The following CCSER2 variants were observed in gnomAD, a reference collection of about 807,000 sequenced individuals.
CCSER2 encodes the protein serine-rich coiled-coil domain-containing protein 2.
A neutral mutation model predicts 92.3 loss-of-function variants in CCSER2; 46 were observed. The observed-to-expected ratio is 0.50, with a 90% confidence interval of 0.39 to 0.64. The LOEUF (loss-of-function observed/expected upper bound fraction) is 0.64, where lower values mean the gene tolerates loss of function less well. Ranked by LOEUF, CCSER2 falls within the 30% of genes least tolerant of loss-of-function variation. CCSER2 has a pLI of 0.00. For synonymous variants in CCSER2, 433 were observed against 431.4 expected (o/e 1.00, Z -0.04); for missense variants, 1,244 against 1,238.9 (o/e 1.00, Z -0.06).
chr10:84,343,631 G>T (rs1269123294), intron 1 of CCSER2, among the ~76,000 whole-genome samples: 2 of 152,122 alleles, frequency 1.3e-5, no homozygotes, highest in African/African-American at 4.8e-5. Flanking sequence ...AGATGATGTT[G>T]TTATGAAGTA....
chr10:84,335,521 G>A (rs912118281), intron 1 of CCSER2, among the ~76,000 whole-genome samples: 5 of 152,066 alleles, frequency 3.3e-5, no homozygotes, highest in Non-Finnish European at 1.5e-5. Context: ...TGGGATTACA[G>A]GTGTGAGCCA....
chr10:84,473,419 T>G (rs1253434196), intron 8 of CCSER2, among the ~76,000 whole-genome samples: 1 of 152,216 alleles, frequency 6.6e-6, no homozygotes, highest in East Asian at 1.9e-4. Flanking sequence ...TTAGTGTGGT[T>G]TTCTCAACAT....
At chr10:84,500,400 A>G (rs1848662884) in intron 9 of CCSER2, among the ~76,000 whole-genome samples, 1 of 152,220 alleles carries the variant, frequency 6.6e-6, no homozygotes, top group Non-Finnish European at 1.5e-5. Flanking sequence ...TTTAAATAAT[A>G]TTTCCTAATT....
intron 1 of CCSER2, among the ~76,000 whole-genome samples, chr10:84,357,870 G>T (rs958549055): frequency 6.6e-6 from 1 of 152,240 alleles, no homozygotes; most frequent in African/African-American, 2.4e-5. Context: ...GCACATAATG[G>T]ATGTTCAGTA....
intron 3 of CCSER2, chr10:84,391,756 A>G (rs908886995): frequency 4.6e-6 from 7 of 1,530,520 alleles, no homozygotes; most frequent in Non-Finnish European, 6.3e-6. Context: ...AGCAGTATGA[A>G]GACCCTGGTG....
chr10:84,354,131 C>T (rs1333112967), intron 1 of CCSER2, among the ~76,000 whole-genome samples: 2 of 151,830 alleles, frequency 1.3e-5, no homozygotes, highest in Non-Finnish European at 2.9e-5. Flanking sequence ...CCCAGGAGGT[C>T]GAGGCTGCGG....
At chr10:84,390,693 A>G (rs1312005020) in intron 3 of CCSER2, among the ~76,000 whole-genome samples, 1 of 152,192 alleles carries the variant, frequency 6.6e-6, no homozygotes, top group Non-Finnish European at 1.5e-5. Flanking sequence ...TTATTTGATT[A>G]ACTTCCATCT....
chr10:84,493,044 C>A (rs998292781), intron 9 of CCSER2, among the ~76,000 whole-genome samples: 1 of 152,014 alleles, frequency 6.6e-6, no homozygotes, highest in East Asian at 1.9e-4. Flanking sequence ...ATGTTTAATT[C>A]TTCTTTAAAC....
At chr10:84,483,955 A>T (rs11593436) in intron 9 of CCSER2, among the ~76,000 whole-genome samples, 1,140 of 4,498 alleles carry the variant, frequency 0.25, 86 homozygotes, top group East Asian at 0.4. Context: ...CGGCTAATTT[A>T]TATATATATA....
rs1842957517 is a variant in CCSER2 at position 84,417,874 on chromosome 10, A to G, written c.1705+13A>G. On this transcript the variant is annotated intron_variant, in intron 4 of 9. Transcript: ENST00000372088. ...CCTCTTGAAAATGGTAAGTTGAGAC[A>G]ATATTGAACCTTCAGAGGTATATAC... is the stretch of plus-strand genomic sequence containing the variant. 4 of 1,372,670 alleles carry G rather than the reference A, an allele frequency of 2.9e-6. No homozygotes were observed. The highest frequency in any genetic ancestry group is 4.2e-6 in the Non-Finnish European group (4 of 959,976). The allele number at this position is 1,372,670 out of a possible 1,614,324, so 85.0% of individuals were successfully genotyped here. A position where few individuals can be genotyped will look rare whatever the true frequency, so the allele number is the denominator to read the frequency against.
At chr10:84,347,642 A>G (rs968011300) in intron 1 of CCSER2, among the ~76,000 whole-genome samples, 2 of 144,572 alleles carry the variant, frequency 1.4e-5, no homozygotes, top group African/African-American at 2.6e-5. Flanking sequence ...CTGGGCGGAG[A>G]CGCTCCTGAC....
chr10:84,387,404 C>T (rs1428077137), intron 3 of CCSER2, among the ~76,000 whole-genome samples: 2 of 152,166 alleles, frequency 1.3e-5, no homozygotes, highest in East Asian at 3.8e-4. Context: ...ATGGCTCTTT[C>T]CCGTTAGAAT....
At chr10:84,436,904 A>G (rs1040520454) in intron 5 of CCSER2, among the ~76,000 whole-genome samples, 1 of 152,216 alleles carries the variant, frequency 6.6e-6, no homozygotes, top group East Asian at 1.9e-4. Flanking sequence ...GTTAAAAGCT[A>G]GAAAATTTGG....
chr10:84,390,856 C>T, intron 3 of CCSER2: 1 of 589,182 alleles, frequency 1.7e-6, no homozygotes. Flanking sequence ...CTTAATCATA[C>T]AGACACAGTA....
chr10:84,506,854 T>C (rs936380604), intron 9 of CCSER2, among the ~76,000 whole-genome samples: 1 of 148,214 alleles, frequency 6.7e-6, no homozygotes, highest in African/African-American at 2.5e-5. Context: ...TCTTATAATA[T>C]GCAGAAGCCT....
At chr10:84,486,617 G>A (rs1164216084) in intron 9 of CCSER2, among the ~76,000 whole-genome samples, 1 of 152,024 alleles carries the variant, frequency 6.6e-6, no homozygotes, top group East Asian at 1.9e-4. Context: ...AAATTTGTTT[G>A]AGTTCTTTGC....
chr10:84,371,963 C>T lies in CCSER2; in HGVS notation c.911C>T (p.Pro304Leu). 2 of 1,613,642 alleles carry T rather than the reference C, an allele frequency of 1.2e-6. No individual in the cohort carries two copies. Among genetic ancestry groups the T allele is most frequent in the Non-Finnish European group, 1.7e-6 (2 of 1,179,716 alleles). The change falls in exon 2 of 10, where the codon CCA becomes CTA. Residue 304 changes from proline (P) to leucine (L), a missense_variant. By Grantham distance (98) the Pro-to-Leu change is moderately conservative. Coordinates refer to ENST00000372088, the MANE Select transcript of CCSER2 (RefSeq NM_001284240.2). ...YAAGGKKLAL[P>L]NGPGVTSTLG... ...GCTGGTGGAAAGAAGTTGGCTTTAC[C>T]AAATGGCCCAGGTGTAACTTCTACT... is the stretch of plus-strand genomic sequence containing the variant.
intron 4 of CCSER2, among the ~76,000 whole-genome samples, chr10:84,423,099 T>C (rs1273742042): frequency 6.6e-6 from 1 of 152,072 alleles, no homozygotes; most frequent in Non-Finnish European, 1.5e-5. Context: ...TTTGTCTCTG[T>C]CTTGTAATTT....
Position 84,513,586 on chromosome 10 carries a change from A to G in CCSER2, c.2463A>G (p.Glu821=), listed in dbSNP as rs1849480818. ...QDMHQGGAHP[E]ESFTHVLHQE... ...TGCATCAGGGCGGTGCACATCCGGA[A>G]GAAAGCTTTACACACGTCTTGCACC... is the stretch of plus-strand genomic sequence containing the variant. The change falls in exon 10 of 10, where the codon GAA becomes GAG. Residue 821 remains glutamate, a synonymous_variant. Coordinates refer to ENST00000372088, the MANE Select transcript of CCSER2 (RefSeq NM_001284240.2). 1 of 1,613,866 alleles carries G rather than the reference A, an allele frequency of 6.2e-7. No individual in the cohort carries two copies. The highest frequency in any genetic ancestry group is 2.2e-5 in the East Asian group (1 of 44,880).
Sources: allele counts gnomAD v4.1 joint callset (sites outside exome capture counted in the v4.1 genomes callset), GRCh38; gene constraint gnomAD v4.1.1; transcripts MANE v1.5; gene names NCBI Gene and HGNC (gene_info 2026-07-23, HGNC 2026-07-21).